LYPLAL1: variants seen among roughly 807,000 people sequenced by gnomAD.
LYPLAL1 encodes the protein lysophospholipase-like protein 1.
In LYPLAL1, 23 loss-of-function variants were observed where a neutral mutation model predicts 19.7. The observed-to-expected ratio is 1.17, with a 90% CI of 0.84 to 1.65. LYPLAL1 has a LOEUF of 1.65. Among genes scored for constraint, LYPLAL1 ranks in the 40% most tolerant of loss-of-function variants. The pLI, the probability that LYPLAL1 is intolerant of heterozygous loss-of-function variation, is 0.00. For synonymous variants in LYPLAL1, 119 were observed against 96.3 expected, an observed-to-expected ratio of 1.24 and a Z score of -1.38; for missense variants, 355 against 279.4, an observed-to-expected ratio of 1.27 and a Z score of -1.93.
chr1:219,259,444 G>A, the LYPLAL1 span, among the ~76,000 whole-genome samples: 638 of 148,834 alleles, frequency 4.3e-3, no homozygotes, highest in Non-Finnish European at 7.1e-3. Flanking sequence ...TATATACCAT[G>A]GAATACTACT....
rs1659112170 is a variant in LYPLAL1 at position 219,212,420 on chromosome 1, C to T, written c.*692C>T. 1 of 151,616 alleles carries T rather than the reference C, an allele frequency of 6.6e-6. No individual in the cohort carries two copies. Among genetic ancestry groups the T allele is most frequent in the Admixed American group, 6.6e-5 (1 of 15,202 alleles). 9.4% of individuals were successfully genotyped at this position (151,616 alleles called of 1,614,324 possible). On this transcript the variant is annotated 3_prime_UTR_variant, in exon 5 of 5. Transcript: ENST00000366928. ...TTTTTGTTGAGATTTAAATAAATAG[C>T]CAAAAGCCAATACATAATAAACACT...
the LYPLAL1 span, among the ~76,000 whole-genome samples, chr1:219,440,308 C>G: frequency 6.6e-6 from 1 of 151,998 alleles, no homozygotes; most frequent in Non-Finnish European, 1.5e-5. Flanking sequence ...AACCTATTTA[C>G]TACCTCTGCC....
At chr1:219,335,930 G>C in the LYPLAL1 span, among the ~76,000 whole-genome samples, 10 of 151,552 alleles carry the variant, frequency 6.6e-5, no homozygotes, top group Non-Finnish European at 1.5e-4. Context: ...AAAAGGTGAT[G>C]TCAAGAAAGG....
the LYPLAL1 span, among the ~76,000 whole-genome samples, chr1:219,368,223 C>A: frequency 6.6e-6 from 1 of 152,180 alleles, no homozygotes; most frequent in Non-Finnish European, 1.5e-5. Flanking sequence ...GATTCAGTTT[C>A]TTCTTACCTT....
intron 3 of LYPLAL1, among the ~76,000 whole-genome samples, chr1:219,197,128 A>C (rs1657668701): frequency 6.6e-6 from 1 of 152,156 alleles, no homozygotes; most frequent in South Asian, 2.1e-4. Context: ...AATTAGAAAA[A>C]ACTACTTTAA....
At chr1:219,317,485 C>T in the LYPLAL1 span, among the ~76,000 whole-genome samples, 1 of 151,830 alleles carries the variant, frequency 6.6e-6, no homozygotes, top group East Asian at 1.9e-4. Flanking sequence ...ATCTTTAGGC[C>T]CTGAACACAG....
chr1:219,344,384 C>T, the LYPLAL1 span, among the ~76,000 whole-genome samples: 2 of 152,162 alleles, frequency 1.3e-5, no homozygotes, highest in African/African-American at 4.8e-5. Context: ...TCTTTCCAAA[C>T]TCTTTTGTCT....
the LYPLAL1 span, among the ~76,000 whole-genome samples, chr1:219,306,679 C>T: frequency 6.6e-6 from 1 of 151,280 alleles, no homozygotes; most frequent in African/African-American, 2.4e-5. Context: ...GGCTTGTCAT[C>T]CTCCATAATT....
chr1:219,227,326 C>G, the LYPLAL1 span, among the ~76,000 whole-genome samples: 1,151 of 152,258 alleles, frequency 7.6e-3, 4 homozygotes, highest in South Asian at 0.023. Context: ...CTTCCTCTTT[C>G]AAAGACAGGA....
the LYPLAL1 span, among the ~76,000 whole-genome samples, chr1:219,286,501 C>T: frequency 6.6e-6 from 1 of 152,100 alleles, no homozygotes; most frequent in African/African-American, 2.4e-5. Context: ...AAGATGCTTT[C>T]CTTTAAAATG....
the LYPLAL1 span, among the ~76,000 whole-genome samples, chr1:219,254,627 G>A: frequency 1.3e-5 from 2 of 152,014 alleles, no homozygotes; most frequent in East Asian, 3.9e-4. Flanking sequence ...CCAGCCTGTA[G>A]AATTTCAGTT....
the LYPLAL1 span, among the ~76,000 whole-genome samples, chr1:219,357,182 A>G: frequency 1.3e-5 from 2 of 152,116 alleles, no homozygotes; most frequent in Non-Finnish European, 2.9e-5. Context: ...AAATGTGCCA[A>G]TTTTTTCATC....
At chr1:219,422,337 A>G in the LYPLAL1 span, among the ~76,000 whole-genome samples, 1 of 152,192 alleles carries the variant, frequency 6.6e-6, no homozygotes, top group Non-Finnish European at 1.5e-5. Context: ...GGTCATAATT[A>G]ACCAGCCCCT....
chr1:219,241,134 C>CTCTCTCTATATATATATATATATA, the LYPLAL1 span, among the ~76,000 whole-genome samples: 9 of 44,358 alleles, frequency 2.0e-4, no homozygotes, highest in Non-Finnish European at 3.0e-4. Flanking sequence ...CTCTCTCTCT[C>CTCTCTCTATATATATATATATATA]TATATATATA....
the LYPLAL1 span, among the ~76,000 whole-genome samples, chr1:219,307,987 A>C: frequency 6.6e-6 from 1 of 152,190 alleles, no homozygotes; most frequent in Non-Finnish European, 1.5e-5. Flanking sequence ...AATGTGAGAA[A>C]GTTTGGAACT....
the LYPLAL1 span, among the ~76,000 whole-genome samples, chr1:219,402,673 T>C: frequency 6.9e-6 from 1 of 144,648 alleles, no homozygotes; most frequent in Non-Finnish European, 1.5e-5. Flanking sequence ...AATGAAAAAA[T>C]TGCAATTTTT....
chr1:219,377,394 A>G, the LYPLAL1 span, among the ~76,000 whole-genome samples: 24,151 of 152,164 alleles, frequency 0.16, 2,097 homozygotes, highest in Non-Finnish European at 0.2. Context: ...GAAGATAAAA[A>G]TCTTCTGGAG....
intron 2 of LYPLAL1, among the ~76,000 whole-genome samples, chr1:219,188,253 A>T (rs924698509): frequency 6.6e-6 from 1 of 151,876 alleles, no homozygotes; most frequent in Non-Finnish European, 1.5e-5. Flanking sequence ...AAATGTAATA[A>T]TTTCAAATAG....
At chr1:219,216,994 A>T (rs1175202521), downstream of LYPLAL1, among the ~76,000 whole-genome samples, 4 of 152,174 alleles carry the variant, frequency 2.6e-5, no homozygotes, top group African/African-American at 9.6e-5. Flanking sequence ...CATCTTGATC[A>T]TATTGGTCAA....
Sources: gnomAD v4.1 joint callset for allele counts (sites outside exome capture counted in the v4.1 genomes callset) on GRCh38, gnomAD v4.1.1 for gene constraint, MANE v1.5 for transcripts, NCBI Gene and HGNC (gene_info 2026-07-23, HGNC 2026-07-21) for gene names.